SLC4A5: variants seen among roughly 807,000 people sequenced by gnomAD.
The protein encoded by SLC4A5 is solute carrier family 4 member 5.
In SLC4A5, 96 loss-of-function variants were observed where a neutral mutation model predicts 120.4. That is an observed-to-expected ratio of 0.80 (90% CI 0.68 to 0.94). SLC4A5 has a LOEUF of 0.94. Ranked by LOEUF, SLC4A5 falls within the 40% of genes least tolerant of loss-of-function variation. The pLI, the probability that SLC4A5 is intolerant of heterozygous loss-of-function variation, is 0.00. For synonymous variants in SLC4A5, 550 were observed against 571.1 expected, an observed-to-expected ratio of 0.96 and a Z score of 0.53; for missense variants, 1,259 against 1,459.5, an observed-to-expected ratio of 0.86 and a Z score of 2.24.
rs1694714150 is a variant in SLC4A5, at chr2:74,223,086, C to T, written c.3247-134G>A. 3 of 526,728 alleles carry T rather than the reference C, an allele frequency of 5.7e-6. No individual in the cohort carries two copies. The Admixed American group carries it at 1.0e-4, about 18-fold the overall frequency. The allele number at this position is 526,728 out of a possible 1,614,324, so 32.6% of individuals were successfully genotyped here. ...GTGGTGCGATCTCGGCTCACTGTAA[C>T]CTCTGCCTCCTGGGTTCAAGTGATT... On this transcript the variant is annotated intron_variant, in intron 28 of 30. Transcript: ENST00000394019.
At chr2:74,335,699 G>A (rs1214790974) in intron 3 of SLC4A5, among the ~76,000 whole-genome samples, 1 of 152,096 alleles carries the variant, frequency 6.6e-6, no homozygotes. Flanking sequence ...CTGATCAAAA[G>A]ATACAATGGA....
intron 8 of SLC4A5, among the ~76,000 whole-genome samples, chr2:74,272,439 C>A (rs1671504452): frequency 6.6e-6 from 1 of 152,198 alleles, no homozygotes; most frequent in Non-Finnish European, 1.5e-5. Context: ...CATGTGTAAT[C>A]CCAAACAACT....
chr2:74,289,812 A>C (rs1187892042), intron 7 of SLC4A5, among the ~76,000 whole-genome samples: 7 of 152,224 alleles, frequency 4.6e-5, no homozygotes, highest in Admixed American at 4.6e-4. Context: ...ATCAGAAATC[A>C]GTAACTACTC....
chr2:74,225,159 T>C, intron 27 of SLC4A5, 164 bp from the exon 28 acceptor site: 1 of 656,750 alleles, frequency 1.5e-6, no homozygotes, highest in Non-Finnish European at 2.5e-6. Context: ...ATTATTCACT[T>C]TCCCTCCACC....
exon 6 of SLC4A5, chr2:74,314,964 C>T (rs1403803460): frequency 6.4e-6 from 10 of 1,560,596 alleles, no homozygotes; most frequent in African/African-American, 2.7e-5. Flanking sequence ...CCGGAAATCT[C>T]CTCCTGTGGT....
In SLC4A5 at chr2:74,224,237, G is replaced by A. The variant is rs1209648318; in HGVS notation, c.3246+603C>T. Among the ~76,000 whole-genome samples, 4 of 152,100 alleles carry A rather than the reference G, an allele frequency of 2.6e-5. No individual in the cohort carries two copies. In the East Asian group the frequency reaches 7.7e-4, roughly 29 times the overall value. On this transcript the variant is annotated intron_variant, in intron 28 of 30. Transcript: ENST00000394019. ...TCTGTTGACTCCCTGAGTGTTTTGG[G>A]GATGAAATGGGAAGGGACCATGGGA...
intron 7 of SLC4A5, among the ~76,000 whole-genome samples, chr2:74,288,838 T>C (rs1044401818): frequency 6.6e-6 from 1 of 152,220 alleles, no homozygotes; most frequent in African/African-American, 2.4e-5. Context: ...CCTTCTCCCA[T>C]CAACCCAGCC....
intron 5 of SLC4A5, among the ~76,000 whole-genome samples, chr2:74,317,483 C>T (rs960173546): frequency 1.3e-5 from 2 of 152,084 alleles, no homozygotes; most frequent in African/African-American, 2.4e-5. Context: ...GCAGAGCGGG[C>T]TGAACACAGG....
chr2:74,270,683 A>G (rs1671447287), intron 8 of SLC4A5, among the ~76,000 whole-genome samples: 1 of 152,162 alleles, frequency 6.6e-6, no homozygotes. Flanking sequence ...AAAACAAAAC[A>G]AAACAAAACA....
In SLC4A5 at chr2:74,247,022, G is replaced by A; in HGVS notation, c.2059+14C>T. On this transcript the variant is annotated intron_variant, in intron 19 of 30. Transcript: ENST00000394019. ...TAGGTGAGGGCCCACGGCATGTCTG[G>A]GGTTACCGGTCACCTGTGTCAGGGG... The A allele has an allele frequency of 6.2e-7, 1 of 1,612,368 alleles. No homozygotes were observed.
Position 74,285,756 on chromosome 2 carries a change from G to A in SLC4A5, c.401+17C>T, listed in dbSNP as rs375403547. Reference sequence around the variant, plus strand: ...TGAGACTGAAGTGCCCACCTCCCTCGTGGGGCCCCGCCTCACCTGGCTGAC... The same window carrying A: ...TGAGACTGAAGTGCCCACCTCCCTCATGGGGCCCCGCCTCACCTGGCTGAC... On this transcript the variant is annotated intron_variant, in intron 8 of 30. Transcript: ENST00000394019. 6 of 1,606,876 alleles carry A rather than the reference G, an allele frequency of 3.7e-6. No individual in the cohort carries two copies. Among genetic ancestry groups the A allele is most frequent in the East Asian group, 2.3e-5 (1 of 44,422 alleles).
At chr2:74,274,906 C>A (rs1671589976) in intron 8 of SLC4A5, among the ~76,000 whole-genome samples, 1 of 152,092 alleles carries the variant, frequency 6.6e-6, no homozygotes, top group African/African-American at 2.4e-5. Flanking sequence ...TAAGTGATTC[C>A]AGTGTTTAAT....
In SLC4A5 at chr2:74,255,683, G is replaced by A; in HGVS notation, c.1025+92C>T. The A allele has an allele frequency of 6.8e-7, 1 of 1,468,160 alleles. No homozygotes were observed. Among genetic ancestry groups the A allele is most frequent in the Non-Finnish European group, 9.3e-7 (1 of 1,073,776 alleles). 90.9% of individuals were successfully genotyped at this position (1,468,160 alleles called of 1,614,324 possible). A position where few individuals can be genotyped will look rare whatever the true frequency, so the allele number is the denominator to read the frequency against. The stretch of plus-strand genomic sequence containing the variant: ...AGCCTCCACGTTTAGAGGTGCCTTT[G>A]AGAACACTAACAGTCAACAGCACTG... On this transcript the variant is annotated intron_variant, in intron 13 of 30. Transcript: ENST00000394019. This position sits in a 1 kb window ranked among gnomAD's most constrained non-coding sequence, Gnocchi z 4.0.
At chr2:74,316,815 C>T (rs1672980129) in intron 5 of SLC4A5, among the ~76,000 whole-genome samples, 1 of 152,196 alleles carries the variant, frequency 6.6e-6, no homozygotes, top group South Asian at 2.1e-4. Context: ...TTTGATTGGA[C>T]AAAAGACTGA....
At chr2:74,252,049 G>C (rs1670807498) in intron 16 of SLC4A5, 130 bp downstream of exon 16, 7 of 983,318 alleles carry the variant, frequency 7.1e-6, no homozygotes, top group Non-Finnish European at 1.1e-5. Context: ...AAGGGCTCTG[G>C]GAGGGAAAGA....
rs1260032975 is a variant in SLC4A5 at position 74,285,928 on chromosome 2, C to T, written c.272-26G>A. ...CTGCAAAAGAGGGGCAGCAGGTCTG[C>T]TGAGTGTCCCATGGAAGGCAGGAGG... On this transcript the variant is annotated intron_variant, in intron 7 of 30. Coordinates refer to ENST00000394019, the Ensembl canonical transcript of SLC4A5. The T allele has an allele frequency of 1.5e-5, 23 of 1,560,538 alleles. No homozygotes were observed. In the East Asian group the frequency reaches 5.5e-4, roughly 37 times the overall value.
chr2:74,223,033 C>G, intron 28 of SLC4A5, 81 bp from the exon 29 acceptor site: 1 of 908,374 alleles, frequency 1.1e-6, no homozygotes, highest in Non-Finnish European at 1.6e-6. Flanking sequence ...GAGACAGAGT[C>G]TCGCTCTACT....
chr2:74,292,588 C>T (rs1442582495), intron 7 of SLC4A5, among the ~76,000 whole-genome samples: 1 of 152,220 alleles, frequency 6.6e-6, no homozygotes, highest in African/African-American at 2.4e-5. Context: ...TGGATTCTAA[C>T]AGCAGTTGCT....
chr2:74,296,616 C>CAAAAAAAAAAAAAA (rs1160532512), intron 7 of SLC4A5, among the ~76,000 whole-genome samples: 1 of 47,486 alleles, frequency 2.1e-5, no homozygotes, highest in African/African-American at 7.5e-5. Flanking sequence ...ACTAAAAATA[C>CAAAAAAAAAAAAAA]AAAAAAAAAA....
Sources: gnomAD v4.1 joint callset for allele counts (sites outside exome capture counted in the v4.1 genomes callset) on GRCh38, gnomAD v4.1.1 for gene constraint, Gnocchi (gnomAD v3.1) non-coding constraint, MANE v1.5 for transcripts, NCBI Gene and HGNC (gene_info 2026-07-23, HGNC 2026-07-21) for gene names.